The following SPATA17 variants were observed in gnomAD, a reference collection of about 807,000 sequenced individuals.
SPATA17 encodes the protein spermatogenesis associated 17, also known as spermatogenesis-associated protein 17.
Under a neutral mutation model 62.2 loss-of-function variants are expected in SPATA17, and 53 were observed. That is an observed-to-expected ratio of 0.85 (90% CI 0.68 to 1.07). The LOEUF is 1.07. SPATA17 is among the 50% of genes least tolerant of loss of function. The probability of loss-of-function intolerance (pLI) is 0.00; values close to 1 mark genes in which losing one functional copy is unlikely to be tolerated. For missense variants in SPATA17, 466 were observed against 425.5 expected, an observed-to-expected ratio of 1.10 and a Z score of -0.84; for synonymous variants, 146 against 146.8, an observed-to-expected ratio of 0.99 and a Z score of 0.04.
intron 6 of SPATA17, among the ~76,000 whole-genome samples, chr1:217,742,355 A>T (rs1168677899): frequency 1.3e-5 from 2 of 152,216 alleles, no homozygotes; most frequent in African/African-American, 4.8e-5. Flanking sequence ...GTGATAACAC[A>T]ACTCGAAGGG....
intron 6 of SPATA17, among the ~76,000 whole-genome samples, chr1:217,765,110 G>A (rs1021699037): frequency 1.3e-5 from 2 of 151,744 alleles, no homozygotes; most frequent in East Asian, 1.9e-4. Flanking sequence ...GAGATCTGTA[G>A]TAATGTCTTC....
At chr1:217,767,679 C>T (rs1045530697) in intron 6 of SPATA17, among the ~76,000 whole-genome samples, 45 of 152,162 alleles carry the variant, frequency 3.0e-4, no homozygotes, top group African/African-American at 1.1e-3. Context: ...TTCTTCATTT[C>T]TGCTACAGTG....
intron 1 of SPATA17, among the ~76,000 whole-genome samples, chr1:217,641,454 C>G (rs1358079193): frequency 6.6e-6 from 1 of 151,814 alleles, no homozygotes; most frequent in East Asian, 1.9e-4. Flanking sequence ...ACAAAGATGA[C>G]AGAATAATCA....
At chr1:217,762,233 A>G (rs1673187683) in intron 6 of SPATA17, among the ~76,000 whole-genome samples, 1 of 152,168 alleles carries the variant, frequency 6.6e-6, no homozygotes, top group African/African-American at 2.4e-5. Context: ...TTTATTTAGA[A>G]AACACTCCAG....
intron 4 of SPATA17, among the ~76,000 whole-genome samples, chr1:217,678,504 G>T (rs1406353852): frequency 6.6e-6 from 1 of 151,260 alleles, no homozygotes; most frequent in Non-Finnish European, 1.5e-5. Context: ...CACCGCTCCT[G>T]GCCCCATGCC....
Position 217,862,857 on chromosome 1 carries a change from G to C in SPATA17, c.*2+1G>C, listed in dbSNP as rs186012207. ...CAAAAGCTGGACAGATTGTATAAAG[G>C]TATGACTTTTTGCTAAGAAGTAATT... On this transcript the variant is annotated splice_donor_variant, in intron 10 of 10. Coordinates refer to ENST00000366933, the MANE Select transcript of SPATA17 (RefSeq NM_138796.4). LOFTEE classifies it low-confidence loss of function (3UTR_SPLICE). The C allele has an allele frequency of 2.5e-6, 4 of 1,575,906 alleles. No individual in the cohort carries two copies. Among genetic ancestry groups the C allele is most frequent in the East Asian group, 2.3e-5 (1 of 44,346 alleles).
intron 7 of SPATA17, among the ~76,000 whole-genome samples, chr1:217,776,676 TA>T (rs59177848): frequency 0.019 from 2,291 of 119,108 alleles, 46 homozygotes; most frequent in African/African-American, 0.055. Flanking sequence ...CTGTCTCTAT[TA>T]AAAAAAAAAA....
chr1:217,831,142 CT>C (rs1675129537), intron 9 of SPATA17, among the ~76,000 whole-genome samples: 1 of 151,952 alleles, frequency 6.6e-6, no homozygotes, highest in Non-Finnish European at 1.5e-5. Context: ...TGATCTAGGG[CT>C]TTGAAGAAGA....
At position 217,855,447 on chromosome 1, in the gene SPATA17, G is replaced by C. The variant is rs143870467; in HGVS notation, c.1006-7327G>C. Among the ~76,000 whole-genome samples, 738 of 152,090 alleles carry C rather than the reference G, an allele frequency of 4.9e-3. 8 individuals carry two copies. Among genetic ancestry groups the C allele is most frequent in the South Asian group, 0.016 (77 of 4,820 alleles). ...TTAGATGACATGTTTTTGTGTTTTT[G>C]GTTGTAATTAAATAGTTGAAACCAA... On this transcript the variant is annotated intron_variant, in intron 9 of 10. Transcript: ENST00000366933.
intron 3 of SPATA17, among the ~76,000 whole-genome samples, chr1:217,652,456 A>G (rs1670340365): frequency 6.6e-6 from 1 of 151,486 alleles, no homozygotes; most frequent in African/African-American, 2.4e-5. Flanking sequence ...CTGGTCTCAA[A>G]CTCCTGACCT....
At chr1:217,770,978 ATTTTTTTTT>A (rs374042087) in intron 6 of SPATA17, among the ~76,000 whole-genome samples, 32 of 50,160 alleles carry the variant, frequency 6.4e-4, no homozygotes, top group South Asian at 5.0e-3. Context: ...AACTCATTGC[ATTTTTTTTT>A]TTTTTTTTTT....
intron 6 of SPATA17, among the ~76,000 whole-genome samples, chr1:217,768,317 C>T (rs1673353678): frequency 6.6e-6 from 1 of 152,088 alleles, no homozygotes; most frequent in South Asian, 2.1e-4. Flanking sequence ...AATTTTCAGC[C>T]TTCTAGAATC....
At chr1:217,699,451 G>T (rs1351019584) in intron 5 of SPATA17, among the ~76,000 whole-genome samples, 1 of 152,104 alleles carries the variant, frequency 6.6e-6, no homozygotes, top group Non-Finnish European at 1.5e-5. Flanking sequence ...TTTCCCTAAT[G>T]ACTAAGAAAG....
intron 9 of SPATA17, among the ~76,000 whole-genome samples, chr1:217,831,981 A>G (rs1675154011): frequency 6.6e-6 from 1 of 152,224 alleles, no homozygotes; most frequent in South Asian, 2.1e-4. Context: ...CTTTTAAAAG[A>G]AATAAATAGA....
chr1:217,815,262 A>G lies in SPATA17; in HGVS notation c.1005+13412A>G, dbSNP rs529216412. 7.2e-5 allele frequency among the ~76,000 whole-genome samples: 11 copies of G among 152,308 alleles called. No individual in the cohort carries two copies. In the South Asian group the frequency reaches 1.9e-3, roughly 26 times the overall value. On this transcript the variant is annotated intron_variant, in intron 9 of 10. Coordinates refer to ENST00000366933, the MANE Select transcript of SPATA17 (RefSeq NM_138796.4). ...ATACATTATGCCTTAGAAAGAGGCC[A>G]ACTTTGGTCTTAAGAATCAGGAAAT...
At chr1:217,632,670 A>G (rs17667371) in intron 1 of SPATA17, among the ~76,000 whole-genome samples, 5,640 of 152,308 alleles carry the variant, frequency 0.037, 140 homozygotes, top group South Asian at 0.064. Context: ...AACGTCTATG[A>G]TAGCCCCATA....
chr1:217,701,958 G>A (rs1460242026), intron 5 of SPATA17, among the ~76,000 whole-genome samples: 2 of 149,488 alleles, frequency 1.3e-5, no homozygotes. Flanking sequence ...TTTTCTTTTT[G>A]GAAATTATAA....
In SPATA17 at chr1:217,762,430, C is replaced by T. The variant is rs191812627; in HGVS notation, c.520-11904C>T. On this transcript the variant is annotated intron_variant, in intron 6 of 10. Coordinates refer to ENST00000366933, the MANE Select transcript of SPATA17 (RefSeq NM_138796.4). ...TTTTCGATGACTCCACATTCTCTTA[C>T]ATTCCTCTTAATTAATCCAGTATCA... 9.8e-5 allele frequency among the ~76,000 whole-genome samples: 15 copies of T among 152,322 alleles called. No homozygotes were observed. The East Asian group carries it at 2.9e-3, about 29-fold the overall frequency.
chr1:217,728,360 C>A (rs1263577394), intron 5 of SPATA17, among the ~76,000 whole-genome samples: 1 of 152,094 alleles, frequency 6.6e-6, no homozygotes, highest in Admixed American at 6.5e-5. Context: ...GTAAAATAGA[C>A]ATTACCTGTT....
Sources: allele counts gnomAD v4.1 joint callset (sites outside exome capture counted in the v4.1 genomes callset), GRCh38; gene constraint gnomAD v4.1.1; transcripts MANE v1.5; gene names NCBI Gene and HGNC (gene_info 2026-07-23, HGNC 2026-07-21).